TTC23L: variants seen among roughly 807,000 people sequenced by gnomAD.
The protein encoded by TTC23L is tetratricopeptide repeat domain 23 like, also known as tetratricopeptide repeat protein 23-like.
TTC23L carries 42 observed loss-of-function variants against 48.1 expected under a neutral mutation model. That is an observed-to-expected ratio of 0.87 (90% CI 0.68 to 1.13). The LOEUF (loss-of-function observed/expected upper bound fraction) is 1.13. Among genes scored for constraint, TTC23L ranks in the 50% most tolerant of loss-of-function variants. The pLI is 0.00. For missense variants in TTC23L, 391 were observed against 421.0 expected, an observed-to-expected ratio of 0.93 and a Z score of 0.62; for synonymous variants, 159 against 157.2, an observed-to-expected ratio of 1.01 and a Z score of -0.09.
chr5:34,900,945 T>G (rs1486457770), downstream of TTC23L, among the ~76,000 whole-genome samples: 1 of 152,238 alleles, frequency 6.6e-6, no homozygotes, highest in Non-Finnish European at 1.5e-5. Flanking sequence ...ATGATTGCAG[T>G]ACAGTACGTA....
chr5:34,887,278 A>C (rs1762598615), intron 9 of TTC23L, among the ~76,000 whole-genome samples: 1 of 152,192 alleles, frequency 6.6e-6, no homozygotes, highest in South Asian at 2.1e-4. Context: ...GGAAGCATGA[A>C]CACGCGGATG....
chr5:34,846,616 T>C (rs1434174162), intron 3 of TTC23L, among the ~76,000 whole-genome samples: 1 of 137,432 alleles, frequency 7.3e-6, no homozygotes, highest in African/African-American at 2.8e-5. Context: ...CACATATATA[T>C]ACACACACAT....
At chr5:34,867,313 C>T (rs1427212298) in intron 7 of TTC23L, 2 of 545,352 alleles carry the variant, frequency 3.7e-6, no homozygotes, top group Non-Finnish European at 6.6e-6. Flanking sequence ...ACTTCCCCCT[C>T]CCCCTCTTAT....
intron 8 of TTC23L, among the ~76,000 whole-genome samples, chr5:34,870,795 T>C (rs1351442190): frequency 6.6e-6 from 1 of 152,110 alleles, no homozygotes; most frequent in Non-Finnish European, 1.5e-5. Flanking sequence ...TCAAGTGAAG[T>C]TTTTTCTTAA....
At chr5:34,839,637 G>A in intron 1 of TTC23L, 1 of 985,348 alleles carries the variant, frequency 1.0e-6, no homozygotes, top group Non-Finnish European at 1.2e-6. Flanking sequence ...TTCGGATAAT[G>A]GATGCTCTGG....
intron 9 of TTC23L, chr5:34,883,351 T>C (rs1762360505): frequency 6.6e-6 from 1 of 152,488 alleles, no homozygotes; most frequent in Non-Finnish European, 1.5e-5. Flanking sequence ...TTCAGCACTC[T>C]AAGAGCTGGG....
the TTC23L span, chr5:34,909,134 A>G: frequency 1.1e-6 from 1 of 914,870 alleles, no homozygotes; most frequent in Non-Finnish European, 1.6e-6. Flanking sequence ...CCAGCACTCT[A>G]CTATTCATTT....
chr5:34,889,521 C>A (rs551823375), intron 9 of TTC23L, among the ~76,000 whole-genome samples: 7 of 152,260 alleles, frequency 4.6e-5, no homozygotes, highest in East Asian at 3.9e-4. Flanking sequence ...ATCCACACCC[C>A]CTTCAGTCAG....
At chr5:34,923,302 A>T in the TTC23L span, 1 of 1,258,166 alleles carries the variant, frequency 7.9e-7, no homozygotes, top group Non-Finnish European at 1.1e-6. Flanking sequence ...GTTTTGAGAC[A>T]GAGTCTCGCT....
rs552046601 is a variant in TTC23L, at chr5:34,895,646, G to C, written c.1078-1124G>C. Reference sequence around the variant, plus strand: ...CCTCAATGCCTATTAAACTATTAGTGATATTCAGTCCTCTTGGTCATATGA... The same window carrying C: ...CCTCAATGCCTATTAAACTATTAGTCATATTCAGTCCTCTTGGTCATATGA... On this transcript the variant is annotated intron_variant, in intron 9 of 10. Transcript: ENST00000505624. Among the ~76,000 whole-genome samples, 26 of 152,294 alleles carry C rather than the reference G, an allele frequency of 1.7e-4. No homozygotes were observed. In the East Asian group the frequency reaches 5.0e-3, roughly 29 times the overall value.
chr5:34,848,222 C>T (rs1355208174), intron 3 of TTC23L, among the ~76,000 whole-genome samples: 7 of 152,158 alleles, frequency 4.6e-5, no homozygotes, highest in Non-Finnish European at 7.3e-5. Flanking sequence ...CTGACCCTAT[C>T]GACTCGTTCA....
chr5:34,909,663 G>A, the TTC23L span, among the ~76,000 whole-genome samples: 4 of 152,194 alleles, frequency 2.6e-5, no homozygotes, highest in South Asian at 6.2e-4. Context: ...TATAACAGGC[G>A]AGAGAATTGA....
In TTC23L at chr5:34,845,472, C is replaced by T. The variant is rs762765337; in HGVS notation, c.69-15C>T. The T allele has an allele frequency of 1.2e-6, 2 of 1,606,794 alleles. No homozygotes were observed. Among genetic ancestry groups the T allele is most frequent in the Non-Finnish European group, 1.7e-6 (2 of 1,177,504 alleles). ...AAGGTTAAATCCTGAATCCTTGCCT[C>T]TCTCATACCTACAGGTCACAGCAAA... On this transcript the variant is annotated splice_polypyrimidine_tract_variant and intron_variant, in intron 2 of 10. Coordinates refer to ENST00000505624, the Ensembl canonical transcript of TTC23L.
chr5:34,904,451 C>T (rs550105461), downstream of TTC23L, among the ~76,000 whole-genome samples: 1 of 151,334 alleles, frequency 6.6e-6, no homozygotes, highest in South Asian at 2.1e-4. Flanking sequence ...ATTATTAGCT[C>T]GATGTGGTGG....
chr5:34,913,427 C>T, the TTC23L span: 2 of 1,166,878 alleles, frequency 1.7e-6, no homozygotes, highest in Non-Finnish European at 1.2e-6. Context: ...TTTCTGACCA[C>T]TATGTATAAC....
chr5:34,887,942 A>G (rs141975971), intron 9 of TTC23L, among the ~76,000 whole-genome samples: 179 of 152,322 alleles, frequency 1.2e-3, no homozygotes, highest in African/African-American at 4.2e-3. Context: ...ACCTGGCAAT[A>G]AATTTTTGTT....
the TTC23L span, among the ~76,000 whole-genome samples, chr5:34,912,727 C>T: frequency 6.6e-6 from 1 of 152,070 alleles, no homozygotes; most frequent in Non-Finnish European, 1.5e-5. Context: ...CAACCGGTTG[C>T]GGTGGCTTAT....
Position 34,846,600 on chromosome 5 carries a change from T to TATATATATATATACAC in TTC23L, c.255+928_255+929insTATATATATATACACA, listed in dbSNP as rs61009546. On this transcript the variant is annotated intron_variant, in intron 3 of 10. Coordinates refer to ENST00000505624, the Ensembl canonical transcript of TTC23L. ...AAATATATATATATATATATATATA[T>TATATATATATATACAC]ACACACACATATATATACACACACA... Among the ~76,000 whole-genome samples, 55 of 92,894 alleles carry TATATATATATATACAC rather than the reference T, an allele frequency of 5.9e-4. 3 individuals are homozygous for TATATATATATATACAC. The highest frequency in any genetic ancestry group is 2.8e-3 in the African/African-American group (53 of 19,202). The allele number at this position is 92,894 out of a possible 152,430, so 60.9% of individuals were successfully genotyped here.
chr5:34,893,816 G>C (rs2111827354), intron 9 of TTC23L, among the ~76,000 whole-genome samples: 1 of 151,864 alleles, frequency 6.6e-6, no homozygotes, highest in Middle Eastern at 3.2e-3. Flanking sequence ...GGAAATCAGA[G>C]GACAAAGTTT....
Sources: allele counts gnomAD v4.1 joint callset (sites outside exome capture counted in the v4.1 genomes callset), GRCh38; gene constraint gnomAD v4.1.1; transcripts MANE v1.5; gene names NCBI Gene and HGNC (gene_info 2026-07-23, HGNC 2026-07-21).